Variants in KCTD17 observed in about 807,000 individuals in gnomAD.
The protein encoded by KCTD17 is BTB/POZ domain-containing protein KCTD17.
A neutral mutation model predicts 41.5 loss-of-function variants in KCTD17; 20 were observed. That is an observed-to-expected ratio of 0.48 (90% CI 0.34 to 0.70). The LOEUF (loss-of-function observed/expected upper bound fraction) is 0.70. KCTD17 is among the 30% of genes least tolerant of loss of function. KCTD17 has a pLI of 0.01. For missense variants in KCTD17, 317 were observed against 427.2 expected (o/e 0.74, Z 2.27); for synonymous variants, 156 against 173.8 (o/e 0.90, Z 0.80).
At chr22:37,062,328 G>T (rs1190807826) in intron 8 of KCTD17, 197 bp from the exon 9 acceptor site, 2 of 984,908 alleles carry the variant, frequency 2.0e-6, no homozygotes, top group East Asian at 1.1e-4. Flanking sequence ...CCCCAACTCA[G>T]TTCTGAATCC....
At chr22:37,052,181 T>C (rs1438745723) in intron 1 of KCTD17, 1 of 521,958 alleles carries the variant, frequency 1.9e-6, no homozygotes, top group African/African-American at 2.0e-5. Context: ...TTAGAAGCTC[T>C]CCAGCCGCCC....
intron 3 of KCTD17, among the ~76,000 whole-genome samples, chr22:37,056,922 CCT>C (rs1925191390): frequency 6.6e-6 from 1 of 151,930 alleles, no homozygotes; most frequent in Non-Finnish European, 1.5e-5. Context: ...AGATTTTCCG[CCT>C]ACTCTGGGGG....
In KCTD17 at chr22:37,061,060, G is replaced by T. The variant is rs560231636; in HGVS notation, c.713-44G>T. The T allele has an allele frequency of 1.9e-6, 3 of 1,551,172 alleles. No homozygotes were observed. In the Admixed American group the frequency reaches 5.9e-5, roughly 30 times the overall value. On this transcript the variant is annotated intron_variant, in intron 6 of 8. Transcript: ENST00000403888. The surrounding 1 kb of genome is among the most constrained non-coding windows in gnomAD (Gnocchi z 6.6). ...GGGTTAGCTCAGCCACTTGCCTGGC[G>T]CCTCACCCGCATAACCATCCCTTCT... is the stretch of plus-strand genomic sequence containing the variant.
intron 1 of KCTD17, chr22:37,052,165 C>A: frequency 1.6e-6 from 1 of 623,498 alleles, no homozygotes; most frequent in Non-Finnish European, 2.5e-6. Flanking sequence ...ACGCAGGCCG[C>A]GGCCATTAGA....
rs761720526 is a variant in KCTD17 at position 37,053,872 on chromosome 22, G to A, written c.298+664G>A. On this transcript the variant is annotated intron_variant, in intron 2 of 8. Transcript: ENST00000403888. This position sits in a 1 kb window ranked among gnomAD's most constrained non-coding sequence, Gnocchi z 4.1. ...CGACCTGTTAGCAGAGCTGCAGCCA[G>A]GGGCAAGGACTACAGTCAGTGCCAA... 3.9e-5 allele frequency among the ~76,000 whole-genome samples: 6 copies of A among 152,214 alleles called. No individual in the cohort carries two copies. Among genetic ancestry groups the A allele is most frequent in the African/African-American group, 9.7e-5 (4 of 41,448 alleles).
chr22:37,055,297 C>T (rs577697341), intron 2 of KCTD17: 2 of 152,334 alleles, frequency 1.3e-5, no homozygotes, highest in Non-Finnish European at 2.9e-5. Flanking sequence ...CTAAATCAAC[C>T]CTGGTGATCA....
chr22:37,059,650 G>A, intron 5 of KCTD17: 1 of 626,588 alleles, frequency 1.6e-6, no homozygotes, highest in Non-Finnish European at 2.7e-6. Context: ...AGCATCCCCA[G>A]GGTGCAGCCG....
rs1327286208 is a variant in KCTD17 at position 37,056,089 on chromosome 22, C to T, written c.299-231C>T. Among the ~76,000 whole-genome samples, 6 of 152,148 alleles carry T rather than the reference C, an allele frequency of 3.9e-5. No individual in the cohort carries two copies. In the East Asian group the frequency reaches 5.8e-4, roughly 15 times the overall value. On this transcript the variant is annotated intron_variant, in intron 2 of 8. Transcript: ENST00000403888. ...GGCCTGGCAGGTACCCCTGGGTCAC[C>T]GCACTCAGCACAGCAGAGCTGTGTG...
At position 37,053,847 on chromosome 22, in the gene KCTD17, C is replaced by T. The variant is rs1383254556; in HGVS notation, c.298+639C>T. 2.0e-5 allele frequency among the ~76,000 whole-genome samples: 3 copies of T among 152,276 alleles called. No homozygotes were observed. The highest frequency in any genetic ancestry group is 3.4e-3 in the Middle Eastern group (1 of 294). On this transcript the variant is annotated intron_variant, in intron 2 of 8. Coordinates refer to ENST00000403888, the MANE Select transcript of KCTD17 (RefSeq NM_001282684.2). The surrounding 1 kb of genome is among the most constrained non-coding windows in gnomAD (Gnocchi z 4.1). ...AGTGGGGAGGCCATGTCTGGGAGAACGACCTGTTAGCAGAGCTGCAGCCAG... is the reference window on the plus strand; with the variant it reads ...AGTGGGGAGGCCATGTCTGGGAGAATGACCTGTTAGCAGAGCTGCAGCCAG...
At chr22:37,060,705 T>C (rs1411771744) in intron 5 of KCTD17, 118 bp from the exon 6 acceptor site, 3 of 1,374,448 alleles carry the variant, frequency 2.2e-6, no homozygotes, top group African/African-American at 2.9e-5. Context: ...AGCCCTCCCC[T>C]CTCCTGAGGT....
chr22:37,052,276 T>C (rs1924582934), intron 1 of KCTD17: 3 of 389,224 alleles, frequency 7.7e-6, no homozygotes, highest in South Asian at 4.6e-5. Flanking sequence ...GGACTCCTGC[T>C]CTGGGGAAGG....
Position 37,062,659 on chromosome 22 carries a change from G to A in KCTD17, c.*65G>A, listed in dbSNP as rs960354987. ...GAGAAGGAAGAAGCACCCTCTCCCC[G>A]GCCTCCTCTGTCTGCACCCGTGGGG... On this transcript the variant is annotated 3_prime_UTR_variant, in exon 9 of 9. Transcript: ENST00000403888. 68 of 1,564,174 alleles carry A rather than the reference G, an allele frequency of 4.3e-5. No individual in the cohort carries two copies. Among genetic ancestry groups the A allele is most frequent in the South Asian group, 1.3e-4 (11 of 85,756 alleles).
At position 37,061,856 on chromosome 22, in the gene KCTD17, G is replaced by A. The variant is rs369269761; in HGVS notation, c.875+227G>A. On this transcript the variant is annotated intron_variant, in intron 8 of 8. Coordinates refer to ENST00000403888, the MANE Select transcript of KCTD17 (RefSeq NM_001282684.2). This position sits in a 1 kb window ranked among gnomAD's most constrained non-coding sequence, Gnocchi z 6.6. ...CCAGGCTGGTGGGGAGGGAGGGACC[G>A]CTGAAGCCAGAGGCCCTGGCCAAGT... 1.6e-5 allele frequency: 16 copies of A among 985,416 alleles called. No homozygotes were observed. Among genetic ancestry groups the A allele is most frequent in the African/African-American group, 1.6e-4 (9 of 57,352 alleles). The allele number at this position is 985,416 out of a possible 1,614,324, so 61.0% of individuals were successfully genotyped here. A position where few individuals can be genotyped will look rare whatever the true frequency, so the allele number is the denominator to read the frequency against.
Position 37,057,045 on chromosome 22 carries a change from G to A in KCTD17, c.391-353G>A, listed in dbSNP as rs559405640. Among the ~76,000 whole-genome samples the A allele has an allele frequency of 1.3e-4, 20 of 152,302 alleles. No homozygotes were observed. In the East Asian group the frequency reaches 3.7e-3, roughly 28 times the overall value. On this transcript the variant is annotated intron_variant, in intron 3 of 8. Coordinates refer to ENST00000403888, the MANE Select transcript of KCTD17 (RefSeq NM_001282684.2). ...GGCCTGACTCCTTGAGGGTGACCCA[G>A]AATGTTCCCTAAGCCCCACCCATGT...
rs989317266 is a variant in KCTD17 at position 37,060,873 on chromosome 22, G to A, written c.663G>A (p.Glu221=). ...EEQQQQEEEV[E]EVEVEQVQVE... The stretch of plus-strand genomic sequence containing the variant: ...AGCAGCAGCAGGAGGAGGAGGTGGA[G>A]GAGGTGGAGGTGGAACAGGTGCAGG... Residue 221 remains glutamate, a synonymous_variant, in exon 6 of 9, where the codon GAG becomes GAA. Transcript: ENST00000403888. 2.0e-6 allele frequency: 3 copies of A among 1,537,268 alleles called. No individual in the cohort carries two copies. The highest frequency in any genetic ancestry group is 2.5e-5 in the South Asian group (2 of 80,926).
chr22:37,058,519 T>C (rs1396703730), intron 4 of KCTD17, among the ~76,000 whole-genome samples: 1 of 152,212 alleles, frequency 6.6e-6, no homozygotes, highest in Non-Finnish European at 1.5e-5. Flanking sequence ...GAAATCCATA[T>C]TGAAGTCTGC....
In KCTD17 at chr22:37,051,827, G is replaced by T. The variant is rs1184166410; in HGVS notation, c.67G>T (p.Gly23Cys). 1 of 1,399,994 alleles carries T rather than the reference G, an allele frequency of 7.1e-7. No homozygotes were observed. Among genetic ancestry groups the T allele is most frequent in the South Asian group, 1.5e-5 (1 of 65,642 alleles). 86.7% of individuals were successfully genotyped at this position (1,399,994 alleles called of 1,614,324 possible). The change falls in exon 1 of 9, where the codon GGC (glycine) becomes TGC (cysteine). Residue 23 changes from glycine to cysteine, a missense_variant. Coordinates refer to ENST00000403888, the MANE Select transcript of KCTD17 (RefSeq NM_001282684.2). ...GAGGRAAGGW[G>C]KWVRLNVGGT... ...GGGCGGCCGCGCCGCAGGCGGCTGG[G>T]GCAAGTGGGTGCGGCTCAACGTGGG... is the stretch of plus-strand genomic sequence containing the variant.
Position 37,061,249 on chromosome 22 carries a change from CT to C in KCTD17, c.784+75del. 1 of 1,545,766 alleles carries C rather than the reference CT, an allele frequency of 6.5e-7. No individual in the cohort carries two copies. Among genetic ancestry groups the C allele is most frequent in the Non-Finnish European group, 8.7e-7 (1 of 1,146,778 alleles). Reference sequence around the variant, plus strand: ...CACCCTGCCTCTTCCCTCTCTGCCCCTGTCCGGGTTTTCTCTCTGCCTGCTC... The same window carrying C: ...CACCCTGCCTCTTCCCTCTCTGCCCCGTCCGGGTTTTCTCTCTGCCTGCTC... On this transcript the variant is annotated intron_variant, in intron 7 of 8. Coordinates refer to ENST00000403888, the MANE Select transcript of KCTD17 (RefSeq NM_001282684.2). This position sits in a 1 kb window ranked among gnomAD's most constrained non-coding sequence, Gnocchi z 6.6.
chr22:37,057,513 G>T lies in KCTD17; in HGVS notation c.486+20G>T. The T allele has an allele frequency of 6.3e-7, 1 of 1,596,384 alleles. No homozygotes were observed. The highest frequency in any genetic ancestry group is 8.5e-7 in the Non-Finnish European group (1 of 1,171,714). ...GAGCAGGTGCGCTGGGGACAGGGGC[G>T]TGCCACCAGGACAACCCTGGGACCT... On this transcript the variant is annotated intron_variant, in intron 4 of 8. Transcript: ENST00000403888.
Sources: gnomAD v4.1 joint callset for allele counts (sites outside exome capture counted in the v4.1 genomes callset) on GRCh38, gnomAD v4.1.1 for gene constraint, Gnocchi (gnomAD v3.1) non-coding constraint, MANE v1.5 for transcripts, NCBI Gene and HGNC (gene_info 2026-07-23, HGNC 2026-07-21) for gene names.